The following MYT1L variants were observed in gnomAD, a reference collection of about 807,000 sequenced individuals.
The protein encoded by MYT1L is myelin transcription factor 1 like.
MYT1L carries 12 observed loss-of-function variants against 126.7 expected under a neutral mutation model. The observed-to-expected ratio is 0.09, with a 90% confidence interval of 0.06 to 0.15. MYT1L has a LOEUF of 0.15. Ranked by LOEUF, MYT1L falls within the 10% of genes least tolerant of loss-of-function variation. The pLI, the probability that MYT1L is intolerant of heterozygous loss-of-function variation, is 1.00. For synonymous variants in MYT1L, 541 were observed against 604.2 expected, an observed-to-expected ratio of 0.90 and a Z score of 1.53; for missense variants, 979 against 1,585.2, an observed-to-expected ratio of 0.62 and a Z score of 6.49.
rs142202856 is a variant in MYT1L, at chr2:1,864,454, C to T, written c.2712-12751G>A. Among the ~76,000 whole-genome samples, 12 of 152,308 alleles carry T rather than the reference C, an allele frequency of 7.9e-5. No homozygotes were observed. The East Asian group carries it at 1.4e-3, about 17-fold the overall frequency. On this transcript the variant is annotated intron_variant, in intron 18 of 24. Coordinates refer to ENST00000647738, the MANE Select transcript of MYT1L (RefSeq NM_001303052.2). ...GCTTCAGCTAGGCATGTGCCGACTT[C>T]GTGTCTGCAGCCCTGTCTGTCCTAT...
intron 15 of MYT1L, among the ~76,000 whole-genome samples, chr2:1,890,521 C>T (rs570816972): frequency 1.3e-5 from 2 of 151,808 alleles, no homozygotes; most frequent in Non-Finnish European, 2.9e-5. Flanking sequence ...TAAAAAAAAA[C>T]CCCAAAGAGG....
rs766116811 is a variant in MYT1L at position 2,059,909 on chromosome 2, G to C, written c.-303-5786C>G. Among the ~76,000 whole-genome samples, 2 of 152,186 alleles carry C rather than the reference G, an allele frequency of 1.3e-5. No homozygotes were observed. Among genetic ancestry groups the C allele is most frequent in the Non-Finnish European group, 2.9e-5 (2 of 68,040 alleles). On this transcript the variant is annotated intron_variant, in intron 3 of 24. Coordinates refer to ENST00000647738, the MANE Select transcript of MYT1L (RefSeq NM_001303052.2). This position sits in a 1 kb window ranked among gnomAD's most constrained non-coding sequence, Gnocchi z 4.7. ...TCTGTCAGAGAATTTAGCATACCAT[G>C]CTGTAACTGTAGATCTCCTAAGCGG...
intron 5 of MYT1L, among the ~76,000 whole-genome samples, chr2:1,988,399 T>C (rs186463111): frequency 1.1e-4 from 17 of 152,360 alleles, no homozygotes; most frequent in South Asian, 4.1e-4. Context: ...GGCCCTGTAG[T>C]GGGCAGTATC....
chr2:1,959,498 GGACATGA>G (rs1355841812), intron 8 of MYT1L, among the ~76,000 whole-genome samples: 1 of 152,170 alleles, frequency 6.6e-6, no homozygotes, highest in Admixed American at 6.5e-5. Context: ...ATGGATTTGT[GGACATGA>G]GATGTTTTCT....
intron 1 of MYT1L, among the ~76,000 whole-genome samples, chr2:2,328,306 C>T (rs2096263931): frequency 6.6e-6 from 1 of 152,018 alleles, no homozygotes; most frequent in Non-Finnish European, 1.5e-5. Context: ...AAAATAGAAA[C>T]ATTTTCAAGA....
Position 1,801,731 on chromosome 2 carries a change from G to A in MYT1L, c.3241C>T (p.Gln1081Ter). The A allele has an allele frequency of 6.2e-7, 1 of 1,611,630 alleles. No individual in the cohort carries two copies. Among genetic ancestry groups the A allele is most frequent in the Non-Finnish European group, 8.5e-7 (1 of 1,179,068 alleles). ...EIKELNESNS[Q>*]MEADMIKLRT... ...AGTTTAATCATATCGGCTTCCATCT[G>A]GGAATTGGATTCATTTAGCTCCTTG... is the stretch of plus-strand genomic sequence containing the variant. The change falls in exon 23 of 25, where the codon CAG (glutamine) becomes TAG (stop). Residue 1081 changes from glutamine (Q) to a stop codon, truncating the protein, a stop_gained. Coordinates refer to ENST00000647738, the MANE Select transcript of MYT1L (RefSeq NM_001303052.2). LOFTEE classifies it high-confidence loss of function. This position sits in a 1 kb window ranked among gnomAD's most constrained non-coding sequence, Gnocchi z 4.2.
rs796315599 is a variant in MYT1L, at chr2:2,059,885, C to CT, written c.-303-5763dup. ...CTTGTGTTATGGTTTTCTCTTGACT[C>CT]TGTCAGAGAATTTAGCATACCATGC... On this transcript the variant is annotated intron_variant, in intron 3 of 24. Coordinates refer to ENST00000647738, the MANE Select transcript of MYT1L (RefSeq NM_001303052.2). The surrounding 1 kb of genome is among the most constrained non-coding windows in gnomAD (Gnocchi z 4.7). 1.8e-4 allele frequency among the ~76,000 whole-genome samples: 28 copies of CT among 152,264 alleles called. No homozygotes were observed. The highest frequency in any genetic ancestry group is 6.5e-4 in the African/African-American group (27 of 41,546).
Position 1,791,617 on chromosome 2 carries a change from CAGCTA to C in MYT1L, c.*245_*249del. The C allele has an allele frequency of 2.1e-6, 1 of 468,076 alleles. No homozygotes were observed. 29.0% of individuals were successfully genotyped at this position (468,076 alleles called of 1,614,324 possible). Reference sequence around the variant, plus strand: ...ATACCCCCAAATGTGCATACATCAGCAGCTATAAACATTACATGGCAGAACACTAT... The same window carrying C: ...ATACCCCCAAATGTGCATACATCAGCTAAACATTACATGGCAGAACACTAT... On this transcript the variant is annotated 3_prime_UTR_variant, in exon 25 of 25. Coordinates refer to ENST00000647738, the MANE Select transcript of MYT1L (RefSeq NM_001303052.2). This position sits in a 1 kb window ranked among gnomAD's most constrained non-coding sequence, Gnocchi z 6.0.
At chr2:2,177,887 T>C (rs2091000086) in intron 2 of MYT1L, among the ~76,000 whole-genome samples, 2 of 152,292 alleles carry the variant, frequency 1.3e-5, no homozygotes, top group Admixed American at 6.5e-5. Flanking sequence ...GCATGTCTTA[T>C]ATTTACATGT....
At chr2:2,293,243 G>A (rs2095625034) in intron 1 of MYT1L, among the ~76,000 whole-genome samples, 1 of 152,162 alleles carries the variant, frequency 6.6e-6, no homozygotes, top group South Asian at 2.1e-4. Context: ...TGAGGGATAA[G>A]AAAAAGAACA....
chr2:2,173,737 T>C (rs2090371822), intron 2 of MYT1L, among the ~76,000 whole-genome samples: 1 of 152,214 alleles, frequency 6.6e-6, no homozygotes, highest in South Asian at 2.1e-4. Flanking sequence ...AACCTCCTAA[T>C]TCCAAGAGGC....
chr2:2,148,550 T>C (rs1223737961), intron 3 of MYT1L, among the ~76,000 whole-genome samples: 3 of 152,042 alleles, frequency 2.0e-5, no homozygotes, highest in East Asian at 1.9e-4. Context: ...AAGAGATGAG[T>C]ATAATAGGTG....
chr2:2,097,245 C>A (rs1031233893), intron 3 of MYT1L, among the ~76,000 whole-genome samples: 3 of 152,170 alleles, frequency 2.0e-5, no homozygotes, highest in Admixed American at 1.3e-4. Flanking sequence ...TGCTTTGCTA[C>A]ACGGCAGTGA....
At chr2:2,141,663 A>C (rs1042130630) in intron 3 of MYT1L, among the ~76,000 whole-genome samples, 14 of 152,176 alleles carry the variant, frequency 9.2e-5, no homozygotes, top group African/African-American at 2.9e-4. Context: ...GGCCAATAAT[A>C]GTTTCTGGCA....
chr2:1,969,976 C>T (rs1159526213), intron 8 of MYT1L, among the ~76,000 whole-genome samples: 2 of 152,234 alleles, frequency 1.3e-5, no homozygotes, highest in African/African-American at 2.4e-5. Context: ...CACACTGAAT[C>T]TTCCAGATGA....
At chr2:2,047,202 T>C (rs976522763) in intron 4 of MYT1L, among the ~76,000 whole-genome samples, 3 of 152,222 alleles carry the variant, frequency 2.0e-5, no homozygotes, top group African/African-American at 7.2e-5. Context: ...ATTCATTTCA[T>C]TTCTGCAGTA....
chr2:1,884,019 A>C (rs1289458832), intron 18 of MYT1L: 1 of 152,242 alleles, frequency 6.6e-6, no homozygotes, highest in Non-Finnish European at 1.5e-5. Flanking sequence ...TATCTCAGGA[A>C]GTTTAAGAGC....
At chr2:1,843,544 ATTACGGAGTCCTACCCAGGGAGAG>A (rs2042109262) in intron 19 of MYT1L, among the ~76,000 whole-genome samples, 1 of 151,888 alleles carries the variant, frequency 6.6e-6, no homozygotes, top group East Asian at 1.9e-4. Flanking sequence ...CCCAGGGAGA[ATTACGGAGTCCTACCCAGGGAGAG>A]TTACTGCGGT....
chr2:2,144,607 C>T (rs965607530), intron 3 of MYT1L, among the ~76,000 whole-genome samples: 1 of 152,102 alleles, frequency 6.6e-6, no homozygotes, highest in African/African-American at 2.4e-5. Flanking sequence ...GTGCTGGATC[C>T]AAAGGAAAGC....
Sources: gnomAD v4.1 joint callset for allele counts (sites outside exome capture counted in the v4.1 genomes callset) on GRCh38, gnomAD v4.1.1 for gene constraint, Gnocchi (gnomAD v3.1) non-coding constraint, MANE v1.5 for transcripts, NCBI Gene and HGNC (gene_info 2026-07-23, HGNC 2026-07-21) for gene names.